Variants in ERC1 observed in about 807,000 individuals in gnomAD.
The protein encoded by ERC1 is ELKS/RAB6-interacting/CAST family member 1.
Under a neutral mutation model 132.0 loss-of-function variants are expected in ERC1, and 56 were observed. The observed-to-expected ratio is 0.42, with a 90% CI of 0.34 to 0.53. The LOEUF is 0.53. Among genes scored for constraint, ERC1 ranks in the 20% least tolerant of loss-of-function variants. The probability of loss-of-function intolerance (pLI) is 0.03; values close to 1 mark genes in which losing one functional copy is unlikely to be tolerated. For synonymous variants in ERC1, 478 were observed against 476.1 expected (o/e 1.00, Z -0.05); for missense variants, 1,202 against 1,349.9 (o/e 0.89, Z 1.72).
chr12:1,231,759 A>T lies in ERC1; in HGVS notation c.2352-5010A>T, dbSNP rs1388939838. On this transcript the variant is annotated intron_variant, in intron 12 of 18. Coordinates refer to ENST00000360905, the MANE Select transcript of ERC1 (RefSeq NM_178040.4). ...GAGAAGTAAAGCAATTTTTTTTTTGAGACGGAGTCTCGCTCTGTTGCCCAG... is the reference window on the plus strand; with the variant it reads ...GAGAAGTAAAGCAATTTTTTTTTTGTGACGGAGTCTCGCTCTGTTGCCCAG... Among the ~76,000 whole-genome samples the T allele has an allele frequency of 2.0e-5, 3 of 151,102 alleles. No homozygotes were observed. In the East Asian group the frequency reaches 5.8e-4, roughly 29 times the overall value.
intron 15 of ERC1, among the ~76,000 whole-genome samples, chr12:1,300,396 G>T (rs1013491595): frequency 6.6e-6 from 1 of 151,828 alleles, no homozygotes; most frequent in Non-Finnish European, 1.5e-5. Context: ...CCATGGGCGC[G>T]GGCAAGGATT....
At chr12:1,400,916 A>ATTATTATTATTATTATTTTTTTTT (rs2090981093) in intron 16 of ERC1, among the ~76,000 whole-genome samples, 1 of 15,040 alleles carries the variant, frequency 6.6e-5, no homozygotes, top group African/African-American at 3.1e-4. Flanking sequence ...CTATTTTTGT[A>ATTATTATTATTATTATTTTTTTTT]TTTTTTTTTT....
intron 15 of ERC1, among the ~76,000 whole-genome samples, chr12:1,293,510 T>A (rs150915488): frequency 0.076 from 9,492 of 124,434 alleles, 1,199 homozygotes; most frequent in African/African-American, 0.18. Flanking sequence ...GCGCCTGTAA[T>A]CCCAGCTACT....
chr12:1,015,445 T>C (rs1432471534), intron 1 of ERC1, among the ~76,000 whole-genome samples: 1 of 152,196 alleles, frequency 6.6e-6, no homozygotes, highest in Non-Finnish European at 1.5e-5. Context: ...AGTTGAGAGA[T>C]ACATAAATTT....
At chr12:1,183,999 G>A (rs910339044) in intron 11 of ERC1, among the ~76,000 whole-genome samples, 1 of 152,064 alleles carries the variant, frequency 6.6e-6, no homozygotes, top group Non-Finnish European at 1.5e-5. Context: ...AGCCAGGCTT[G>A]GTGGCGCAGG....
chr12:1,271,241 C>A (rs956802936), intron 14 of ERC1, among the ~76,000 whole-genome samples: 7 of 152,036 alleles, frequency 4.6e-5, no homozygotes, highest in Admixed American at 4.6e-4. Context: ...TTGGTCTATG[C>A]AAGAGGTTGG....
intron 13 of ERC1, among the ~76,000 whole-genome samples, chr12:1,248,882 A>G (rs1268963541): frequency 6.6e-6 from 1 of 152,074 alleles, no homozygotes; most frequent in African/African-American, 2.4e-5. Context: ...GTTTTTATTT[A>G]TATTTAAAAA....
intron 1 of ERC1, among the ~76,000 whole-genome samples, chr12:1,002,160 CTTTTTTTTTTTTTTTTTTTT>C (rs71055117): frequency 5.2e-5 from 2 of 38,454 alleles, no homozygotes; most frequent in South Asian, 1.2e-3. Context: ...CCATGCCCGG[CTTTTTTTTTTTTTTTTTTTT>C]TTTTTTTTTT....
At chr12:1,285,642 T>G (rs2078992522) in intron 14 of ERC1, among the ~76,000 whole-genome samples, 1 of 151,920 alleles carries the variant, frequency 6.6e-6, no homozygotes, top group African/African-American at 2.4e-5. Flanking sequence ...CTGAGAAAAA[T>G]GAGGCAGTAA....
rs539804161 is a variant in ERC1 at position 1,038,686 on chromosome 12, T to A, written c.669+10114T>A. ...TTCTTTCCTAATCTGATTTACTCAA[T>A]GAAGATTTTGAAGAAAGTAATAGTA... On this transcript the variant is annotated intron_variant, in intron 2 of 18. Transcript: ENST00000360905. Among the ~76,000 whole-genome samples the A allele has an allele frequency of 5.3e-5, 8 of 152,246 alleles. 1 individual carries two copies. In the South Asian group the frequency reaches 1.4e-3, roughly 28 times the overall value.
chr12:1,136,005 T>C (rs1294588682), intron 7 of ERC1, among the ~76,000 whole-genome samples: 1 of 152,240 alleles, frequency 6.6e-6, no homozygotes, highest in Non-Finnish European at 1.5e-5. Context: ...TAAGATATAA[T>C]GTCATGTCAG....
At chr12:1,209,220 C>T (rs908278098) in intron 12 of ERC1, among the ~76,000 whole-genome samples, 3 of 151,930 alleles carry the variant, frequency 2.0e-5, no homozygotes, top group African/African-American at 7.3e-5. Context: ...CCACCCGCCT[C>T]GGCCTCCCAA....
intron 18 of ERC1, 95 bp from the exon 19 acceptor site, chr12:1,489,998 C>A (rs2094301766): frequency 3.0e-6 from 4 of 1,343,064 alleles, no homozygotes; most frequent in Non-Finnish European, 4.2e-6. Context: ...ACTTCACATA[C>A]AGAGTGCCTT....
chr12:1,485,185 G>T (rs1281741582), intron 18 of ERC1, among the ~76,000 whole-genome samples: 2 of 148,272 alleles, frequency 1.3e-5, no homozygotes, highest in Middle Eastern at 6.8e-3. Context: ...CCCCAAACCT[G>T]GTCAAGTTTA....
intron 1 of ERC1, among the ~76,000 whole-genome samples, chr12:999,874 C>T (rs571874963): frequency 1.3e-5 from 2 of 152,232 alleles, no homozygotes; most frequent in South Asian, 2.1e-4. Context: ...GGATTACAGG[C>T]GTGAGCCACT....
intron 15 of ERC1, among the ~76,000 whole-genome samples, chr12:1,338,504 A>G (rs574866932): frequency 1.3e-5 from 2 of 152,160 alleles, no homozygotes; most frequent in Non-Finnish European, 2.9e-5. Flanking sequence ...AACGATCTGC[A>G]TTCCTATCCA....
At chr12:1,084,173 A>AT (rs1942635705) in intron 3 of ERC1, among the ~76,000 whole-genome samples, 1 of 152,200 alleles carries the variant, frequency 6.6e-6, no homozygotes, top group Admixed American at 6.5e-5. Flanking sequence ...ACTACTGATA[A>AT]TTTTTTACTT....
chr12:1,281,417 T>C, intron 14 of ERC1, among the ~76,000 whole-genome samples: 1 of 152,222 alleles, frequency 6.6e-6, no homozygotes, highest in East Asian at 1.9e-4. Context: ...TATTCATATT[T>C]CATTTCCTAA....
intron 17 of ERC1, among the ~76,000 whole-genome samples, chr12:1,435,698 C>T (rs139603849): frequency 1.6e-3 from 244 of 152,314 alleles, no homozygotes; most frequent in African/African-American, 2.1e-3. Flanking sequence ...TTCGTGCCCC[C>T]GTGCATTCTT....
Sources: allele counts gnomAD v4.1 joint callset (sites outside exome capture counted in the v4.1 genomes callset), GRCh38; gene constraint gnomAD v4.1.1; transcripts MANE v1.5; gene names NCBI Gene and HGNC (gene_info 2026-07-23, HGNC 2026-07-21).